The following NDFIP2 variants were observed in gnomAD, a reference collection of about 807,000 sequenced individuals.
NDFIP2 encodes Nedd4 family interacting protein 2.
NDFIP2 carries 19 observed loss-of-function variants against 36.0 expected under a neutral mutation model. That is an observed-to-expected ratio of 0.53 (90% CI 0.37 to 0.77). NDFIP2 has a LOEUF of 0.77. NDFIP2 is among the 30% of genes least tolerant of loss of function. The pLI is 0.00. For missense variants in NDFIP2, 446 were observed against 435.8 expected (o/e 1.02, Z -0.21); for synonymous variants, 181 against 167.7 (o/e 1.08, Z -0.61).
chr13:79,514,958 A>G lies in NDFIP2; in HGVS notation c.322-5852A>G, dbSNP rs191312060. On this transcript the variant is annotated intron_variant, in intron 1 of 7. Transcript: ENST00000218652. ...GCTCATGGTGCTCTTTGTGTAGACC[A>G]TAAAATACAGTCATGTGTGGCTGAA... Among the ~76,000 whole-genome samples the G allele has an allele frequency of 9.8e-4, 150 of 152,326 alleles. 2 individuals carry two copies. The highest frequency in any genetic ancestry group is 5.8e-4 in the East Asian group (3 of 5,192).
At chr13:79,514,469 A>T (rs139987137) in intron 1 of NDFIP2, among the ~76,000 whole-genome samples, 104 of 152,200 alleles carry the variant, frequency 6.8e-4, no homozygotes, top group Non-Finnish European at 1.1e-3. Flanking sequence ...ATGAGTGATT[A>T]TATAAATAAA....
intron 1 of NDFIP2, among the ~76,000 whole-genome samples, chr13:79,499,324 G>GA (rs1873566489): frequency 6.6e-6 from 1 of 151,898 alleles, no homozygotes; most frequent in African/African-American, 2.4e-5. Context: ...ACAAGAACCA[G>GA]GCAAGGATGT....
At chr13:79,538,232 G>T (rs1875319606) in intron 3 of NDFIP2, among the ~76,000 whole-genome samples, 2 of 152,170 alleles carry the variant, frequency 1.3e-5, no homozygotes, top group African/African-American at 4.8e-5. Flanking sequence ...AGTTGAATAT[G>T]AGATTTGGAT....
At chr13:79,509,386 A>G (rs539708258) in intron 1 of NDFIP2, among the ~76,000 whole-genome samples, 32 of 152,284 alleles carry the variant, frequency 2.1e-4, no homozygotes, top group African/African-American at 7.7e-4. Context: ...ATCAGTAGAA[A>G]GAAGTTATGA....
Position 79,481,178 on chromosome 13 carries a change from G to A in NDFIP2, c.-26G>A. ...TTACTTTTCCATCTCCTCCCACCCAGCTATACCCTCCCACTGGCGGCGCGG... is the reference window on the plus strand; with the variant it reads ...TTACTTTTCCATCTCCTCCCACCCAACTATACCCTCCCACTGGCGGCGCGG... On this transcript the variant is annotated 5_prime_UTR_variant, in exon 1 of 8. Coordinates refer to ENST00000218652, the MANE Select transcript of NDFIP2 (RefSeq NM_019080.3). 6.7e-7 allele frequency: 1 copy of A among 1,489,766 alleles called. No individual in the cohort carries two copies. The highest frequency in any genetic ancestry group is 8.9e-7 in the Non-Finnish European group (1 of 1,127,616). 92.3% of individuals were successfully genotyped at this position (1,489,766 alleles called of 1,614,324 possible).
chr13:79,525,748 T>A (rs545531900), intron 2 of NDFIP2, among the ~76,000 whole-genome samples: 1 of 152,322 alleles, frequency 6.6e-6, no homozygotes, highest in South Asian at 2.1e-4. Flanking sequence ...TTAAAACTTA[T>A]GAGTTGTTTA....
At chr13:79,507,733 C>G (rs939481631) in intron 1 of NDFIP2, among the ~76,000 whole-genome samples, 3 of 151,828 alleles carry the variant, frequency 2.0e-5, no homozygotes, top group Non-Finnish European at 4.4e-5. Context: ...AATATTAAAA[C>G]TATGAAACAC....
At position 79,553,483 on chromosome 13, in the gene NDFIP2, A is replaced by C. The variant is rs552177824; in HGVS notation, c.*970A>C. The C allele has an allele frequency of 6.6e-6, 1 of 151,446 alleles. No individual in the cohort carries two copies. The highest frequency in any genetic ancestry group is 2.4e-5 in the African/African-American group (1 of 41,390). The allele number at this position is 151,446 out of a possible 1,614,324, so 9.4% of individuals were successfully genotyped here. A position where few individuals can be genotyped will look rare whatever the true frequency, so the allele number is the denominator to read the frequency against. ...TAATTTTCTAAATAAGATAATTCTC[A>C]TTTGTGTTTGTCTTTTAAAAGGCCA... On this transcript the variant is annotated 3_prime_UTR_variant, in exon 8 of 8. Transcript: ENST00000218652.
At chr13:79,506,438 C>T (rs958072493) in intron 1 of NDFIP2, among the ~76,000 whole-genome samples, 7 of 151,970 alleles carry the variant, frequency 4.6e-5, no homozygotes, top group African/African-American at 1.2e-4. Context: ...TGTCTTGATA[C>T]GGTGAGTTTG....
intron 1 of NDFIP2, among the ~76,000 whole-genome samples, chr13:79,504,777 T>TTG (rs1203258270): frequency 6.6e-6 from 1 of 152,200 alleles, no homozygotes; most frequent in Non-Finnish European, 1.5e-5. Context: ...ACTTTAGTGG[T>TTG]TGTCAAATGG....
chr13:79,534,041 A>G (rs1875127350), intron 3 of NDFIP2, among the ~76,000 whole-genome samples: 1 of 151,966 alleles, frequency 6.6e-6, no homozygotes, highest in Non-Finnish European at 1.5e-5. Flanking sequence ...CCCTTCCTAA[A>G]TTTTGATTTC....
At chr13:79,530,159 T>C (rs932437347) in intron 2 of NDFIP2, among the ~76,000 whole-genome samples, 2 of 152,192 alleles carry the variant, frequency 1.3e-5, no homozygotes, top group Non-Finnish European at 2.9e-5. Context: ...TTCTTTTCTT[T>C]TTTTTTAGAG....
chr13:79,499,405 G>A (rs2140742412), intron 1 of NDFIP2, among the ~76,000 whole-genome samples: 1 of 152,016 alleles, frequency 6.6e-6, no homozygotes, highest in Non-Finnish European at 1.5e-5. Context: ...GGAAATAAAA[G>A]TTATAGATTG....
chr13:79,486,987 G>T (rs574499812), intron 1 of NDFIP2, among the ~76,000 whole-genome samples: 1 of 152,032 alleles, frequency 6.6e-6, no homozygotes, highest in Non-Finnish European at 1.5e-5. Flanking sequence ...TCCATCATAG[G>T]GACCCCACCC....
intron 1 of NDFIP2, among the ~76,000 whole-genome samples, chr13:79,504,574 A>G (rs917915045): frequency 6.6e-6 from 1 of 152,110 alleles, no homozygotes; most frequent in Non-Finnish European, 1.5e-5. Context: ...TTGAGATCTG[A>G]TCTGTGATTA....
rs1239237047 is a variant in NDFIP2 at position 79,552,152 on chromosome 13, C to T, written c.*3-364C>T. 4.6e-5 allele frequency among the ~76,000 whole-genome samples: 7 copies of T among 151,244 alleles called. No individual in the cohort carries two copies. The East Asian group carries it at 7.7e-4, about 17-fold the overall frequency. On this transcript the variant is annotated intron_variant, in intron 7 of 7. Coordinates refer to ENST00000218652, the MANE Select transcript of NDFIP2 (RefSeq NM_019080.3). Reference sequence around the variant, plus strand: ...ATTTTAAGTGTTCTACTAAAGTCTCCCCCAACCACTCCCAAAGAAGTCGCT... The same window carrying T: ...ATTTTAAGTGTTCTACTAAAGTCTCTCCCAACCACTCCCAAAGAAGTCGCT...
intron 1 of NDFIP2, among the ~76,000 whole-genome samples, chr13:79,500,078 A>T (rs1873597801): frequency 6.6e-6 from 1 of 151,776 alleles, no homozygotes; most frequent in African/African-American, 2.4e-5. Flanking sequence ...AATTAAAGTA[A>T]ACTGGTTTTA....
intron 3 of NDFIP2, among the ~76,000 whole-genome samples, chr13:79,535,237 G>T (rs1454899005): frequency 1.3e-5 from 2 of 152,076 alleles, no homozygotes; most frequent in African/African-American, 4.8e-5. Context: ...TTTCTCAGGG[G>T]GTGTTTGCCC....
intron 1 of NDFIP2, among the ~76,000 whole-genome samples, chr13:79,519,843 A>T (rs1282512802): frequency 6.6e-6 from 1 of 152,136 alleles, no homozygotes; most frequent in African/African-American, 2.4e-5. Context: ...TGACAATGTC[A>T]AGGCTGGAGT....
Sources: gnomAD v4.1 joint callset for allele counts (sites outside exome capture counted in the v4.1 genomes callset) on GRCh38, gnomAD v4.1.1 for gene constraint, MANE v1.5 for transcripts, NCBI Gene and HGNC (gene_info 2026-07-23, HGNC 2026-07-21) for gene names.